Variants in BDP1 observed in about 807,000 individuals in gnomAD.
The protein encoded by BDP1 is BDP1 general transcription factor IIIB subunit.
In BDP1, 169 loss-of-function variants were observed where a neutral mutation model predicts 266.6. That is an observed-to-expected ratio of 0.63 (90% confidence interval 0.56 to 0.72). The LOEUF (loss-of-function observed/expected upper bound fraction) is 0.72, where lower values mean the gene tolerates loss of function less well. Among genes scored for constraint, BDP1 ranks in the 30% least tolerant of loss-of-function variants. The probability of loss-of-function intolerance (pLI) is 0.00; values close to 1 mark genes in which losing one functional copy is unlikely to be tolerated. For synonymous variants in BDP1, 1,090 were observed against 1,022.4 expected (o/e 1.07, Z -1.26); for missense variants, 3,015 against 3,053.8 (o/e 0.99, Z 0.30).
chr5:71,548,822 C>CATAA, intron 33 of BDP1, 77 bp downstream of exon 33: 4 of 1,051,268 alleles, frequency 3.8e-6, no homozygotes, highest in Non-Finnish European at 5.8e-6. Flanking sequence ...TATGGAAAAA[C>CATAA]ATAAAACAGT....
At chr5:71,516,895 TAAAA>T in intron 21 of BDP1, among the ~76,000 whole-genome samples, 1 of 148,864 alleles carries the variant, frequency 6.7e-6, no homozygotes, top group African/African-American at 2.5e-5. Flanking sequence ...AGCTCTTTCT[TAAAA>T]AAAAAAATTA....
chr5:71,485,221 A>G (rs181428976), intron 8 of BDP1, among the ~76,000 whole-genome samples: 7 of 152,194 alleles, frequency 4.6e-5, no homozygotes, highest in African/African-American at 1.7e-4. Context: ...TCGCTGAGGC[A>G]GGAGGATCTT....
chr5:71,542,301 T>G (rs771987658), intron 30 of BDP1, 36 bp downstream of exon 30: 1 of 1,525,420 alleles, frequency 6.6e-7, no homozygotes, highest in Non-Finnish European at 8.9e-7. Flanking sequence ...GCAAAATCAT[T>G]TTGACACAAG....
At chr5:71,522,151 C>A in intron 22 of BDP1, 138 bp from the exon 23 acceptor site, 1 of 640,690 alleles carries the variant, frequency 1.6e-6, no homozygotes, top group Non-Finnish European at 2.7e-6. Flanking sequence ...ATTTTACATG[C>A]TTGATTTTAT....
rs1240738904 is a variant in BDP1 at position 71,515,044 on chromosome 5, C to T, written c.4571C>T (p.Ser1524Leu). ...LPCTQTERNL[S>L]PSNSCEPKEE... ...TGTACACAGACTGAAAGGAACCTTT[C>T]ACCTTCAAATTCTTGTGAACCTAAA... Residue 1524 changes from serine (S) to leucine (L), a missense_variant, in exon 20 of 39, where the codon TCA becomes TTA. By Grantham distance (145) the Ser-to-Leu change is moderately radical. Coordinates refer to ENST00000358731, the MANE Select transcript of BDP1 (RefSeq NM_018429.3). The T allele has an allele frequency of 6.2e-7, 1 of 1,613,084 alleles. No homozygotes were observed. The highest frequency in any genetic ancestry group is 8.5e-7 in the Non-Finnish European group (1 of 1,179,578).
In BDP1 at chr5:71,495,268, A is replaced by G. The variant is rs1232150799; in HGVS notation, c.1659A>G (p.Thr553=). 3.2e-6 allele frequency: 5 copies of G among 1,575,768 alleles called. No homozygotes were observed. Among genetic ancestry groups the G allele is most frequent in the Non-Finnish European group, 4.3e-6 (5 of 1,160,402 alleles). ...ILSLSNQQDA[T]SVATESSESS... is the part of the protein sequence containing the mutation. ...TTTTTAGTAATCAACAAGATGCCACATCAGTAGCAACTGAGTCTTCAGAAT... is the reference window on the plus strand; with the variant it reads ...TTTTTAGTAATCAACAAGATGCCACGTCAGTAGCAACTGAGTCTTCAGAAT... Residue 553 remains threonine, a synonymous_variant, in exon 12 of 39, where the codon ACA becomes ACG. Transcript: ENST00000358731.
At chr5:71,478,521 A>G (rs1762734502) in intron 7 of BDP1, among the ~76,000 whole-genome samples, 1 of 152,032 alleles carries the variant, frequency 6.6e-6, no homozygotes, top group African/African-American at 2.4e-5. Flanking sequence ...TGCCAGTTTG[A>G]CAGTTTTTTC....
At chr5:71,470,891 CTTT>C (rs56915738) in intron 7 of BDP1, among the ~76,000 whole-genome samples, 1 of 144,156 alleles carries the variant, frequency 6.9e-6, no homozygotes. Flanking sequence ...GTGCCCAGCC[CTTT>C]TTTTTTTTTT....
intron 10 of BDP1, among the ~76,000 whole-genome samples, chr5:71,490,308 T>G (rs1763509487): frequency 6.6e-6 from 1 of 152,156 alleles, no homozygotes; most frequent in Non-Finnish European, 1.5e-5. Flanking sequence ...CCCATCTGAT[T>G]TTAATAAAAG....
chr5:71,496,708 A>G (rs913817829), intron 12 of BDP1, among the ~76,000 whole-genome samples: 3 of 152,072 alleles, frequency 2.0e-5, no homozygotes, highest in Non-Finnish European at 4.4e-5. Flanking sequence ...TCAGCCTCCC[A>G]AGTAGCTGGG....
At chr5:71,551,060 T>G (rs1415319684) in intron 34 of BDP1, among the ~76,000 whole-genome samples, 6 of 151,950 alleles carry the variant, frequency 3.9e-5, no homozygotes, top group Admixed American at 6.6e-5. Flanking sequence ...AAAATACTAT[T>G]AAATATTCAG....
intron 26 of BDP1, among the ~76,000 whole-genome samples, chr5:71,534,830 G>A (rs562932006): frequency 2.0e-5 from 3 of 152,184 alleles, no homozygotes; most frequent in South Asian, 2.1e-4. Context: ...TCGTAGACAC[G>A]GGGTTTCTCC....
intron 26 of BDP1, 22 bp from the exon 27 acceptor site, chr5:71,539,020 T>TA (rs773755781): frequency 1.3e-6 from 2 of 1,532,522 alleles, no homozygotes; most frequent in African/African-American, 2.7e-5. Context: ...TTTAAGATGT[T>TA]ACTTATTTTT....
At chr5:71,505,524 C>T (rs1764530292) in intron 16 of BDP1, among the ~76,000 whole-genome samples, 1 of 152,110 alleles carries the variant, frequency 6.6e-6, no homozygotes. Context: ...GGTACCAAGC[C>T]AGACTGATGG....
intron 25 of BDP1, among the ~76,000 whole-genome samples, chr5:71,530,178 TCTC>T (rs1766146216): frequency 6.6e-6 from 1 of 152,240 alleles, no homozygotes; most frequent in African/African-American, 2.4e-5. Flanking sequence ...TATTTTTTCT[TCTC>T]AAATCATCTG....
In BDP1 at chr5:71,458,766, A is replaced by G; in HGVS notation, c.400A>G (p.Lys134Glu). The change falls in exon 2 of 39, where the codon AAA becomes GAA. Residue 134 changes from lysine to glutamate, a missense_variant. By Grantham distance (56) the Lys-to-Glu change is moderately conservative. Around this residue, in one of 3 missense-constraint regions of BDP1, gnomAD observed 2,383 missense variants for 2,404.9 expected, o/e 0.99. Transcript: ENST00000358731. ...TCCACAGCCAACTGCCACTTCAACA[A>G]AAGAGAAACAGCCATGCTCAGACAG... ...EAPQPTATSTKEKQPCSDRYR... is the reference protein window; with the variant it reads ...EAPQPTATSTEEKQPCSDRYR... The G allele has an allele frequency of 6.2e-7, 1 of 1,614,150 alleles. No individual in the cohort carries two copies. The highest frequency in any genetic ancestry group is 2.2e-5 in the East Asian group (1 of 44,870).
intron 32 of BDP1, among the ~76,000 whole-genome samples, chr5:71,547,317 C>T (rs1742403566): frequency 6.6e-6 from 1 of 152,076 alleles, no homozygotes; most frequent in Admixed American, 6.6e-5. Flanking sequence ...GGCTGGCCTA[C>T]AGTCTGGATT....
chr5:71,468,468 TA>T (rs1282804415), intron 6 of BDP1, among the ~76,000 whole-genome samples: 18 of 151,536 alleles, frequency 1.2e-4, no homozygotes, highest in African/African-American at 4.4e-4. Flanking sequence ...TTTTTTTTTT[TA>T]ATTTCTTTCA....
At chr5:71,464,179 G>C (rs1761753176) in intron 4 of BDP1, 62 bp downstream of exon 4, 3 of 1,005,788 alleles carry the variant, frequency 3.0e-6, no homozygotes, top group Non-Finnish European at 4.5e-6. Flanking sequence ...AGATCAAATG[G>C]TGCTTCCTGT....
Sources: gnomAD v4.1 joint callset for allele counts (sites outside exome capture counted in the v4.1 genomes callset) on GRCh38, gnomAD v4.1.1 for gene constraint, gnomAD v4.1.1 regional missense constraint, MANE v1.5 for transcripts, NCBI Gene and HGNC (gene_info 2026-07-23, HGNC 2026-07-21) for gene names.